NAV3: variants seen among roughly 807,000 people sequenced by gnomAD.
The protein encoded by NAV3 is pore membrane and/or filament interacting like protein 1.
In NAV3, 87 loss-of-function variants were observed where a neutral mutation model predicts 244.7. The observed-to-expected ratio is 0.36, with a 90% CI of 0.30 to 0.42. The LOEUF (loss-of-function observed/expected upper bound fraction) is 0.42. NAV3 is among the 20% of genes least tolerant of loss of function. The pLI is 1.00. For synonymous variants in NAV3, 1,126 were observed against 1,042.2 expected (o/e 1.08, Z -1.55); for missense variants, 2,663 against 2,893.3 (o/e 0.92, Z 1.83).
chr12:77,952,444 C>A (rs1048350871), intron 3 of NAV3, among the ~76,000 whole-genome samples: 1 of 151,972 alleles, frequency 6.6e-6, no homozygotes, highest in African/African-American at 2.4e-5. Flanking sequence ...CTATTCTGTT[C>A]CACTGATTAT....
intron 2 of NAV3, among the ~76,000 whole-genome samples, chr12:77,599,095 C>T (rs950509073): frequency 6.6e-6 from 1 of 151,926 alleles, no homozygotes; most frequent in African/African-American, 2.4e-5. Flanking sequence ...ATTTAGATAC[C>T]TCATGTGAGT....
intron 1 of NAV3, among the ~76,000 whole-genome samples, chr12:77,868,139 AC>A (rs1880364158): frequency 6.6e-6 from 1 of 152,192 alleles, no homozygotes; most frequent in South Asian, 2.1e-4. Flanking sequence ...AGTTGAGAAT[AC>A]AGGAGCAGCT....
At chr12:77,870,560 G>A (rs779737354) in intron 1 of NAV3, among the ~76,000 whole-genome samples, 1 of 152,088 alleles carries the variant, frequency 6.6e-6, no homozygotes, top group African/African-American at 2.4e-5. Flanking sequence ...GGGTTAAAAT[G>A]AGATTTTAAC....
chr12:77,674,284 G>T (rs995430686), intron 2 of NAV3, among the ~76,000 whole-genome samples: 1 of 152,076 alleles, frequency 6.6e-6, no homozygotes, highest in Non-Finnish European at 1.5e-5. Context: ...AATGACATTT[G>T]GATTTCTTGC....
intron 8 of NAV3, among the ~76,000 whole-genome samples, chr12:78,019,770 A>G (rs1304075518): frequency 1.3e-5 from 2 of 152,132 alleles, no homozygotes; most frequent in Non-Finnish European, 2.9e-5. Flanking sequence ...CCATCATCCC[A>G]TAGGTTGCGT....
chr12:78,006,946 G>A lies in NAV3; in HGVS notation c.1408G>A (p.Glu470Lys), dbSNP rs762329198. The change falls in exon 8 of 40, where the codon GAA becomes AAA. Residue 470 changes from glutamate to lysine, a missense_variant. By Grantham distance (56) the Glu-to-Lys change is moderately conservative. Transcript: ENST00000397909. ...TTTGCTACAGCCAAAGGAAAAAGAA[G>A]AAAAGAACAGGGACAAAAATAAAGT... ...KSLLQPKEKE[E>K]KNRDKNKVCT... The A allele has an allele frequency of 9.3e-6, 15 of 1,613,762 alleles. No homozygotes were observed. The highest frequency in any genetic ancestry group is 1.7e-5 in the Admixed American group (1 of 59,896).
chr12:77,600,791 C>T (rs546221908), intron 2 of NAV3, among the ~76,000 whole-genome samples: 5 of 152,096 alleles, frequency 3.3e-5, no homozygotes, highest in African/African-American at 4.8e-5. Flanking sequence ...AAGGGTCCAA[C>T]TCAAGGCCAA....
At chr12:77,878,258 G>T (rs981976955) in intron 1 of NAV3, among the ~76,000 whole-genome samples, 1 of 152,006 alleles carries the variant, frequency 6.6e-6, no homozygotes, top group Non-Finnish European at 1.5e-5. Context: ...ATGGTGTCTT[G>T]CTCTGTTGCC....
intron 5 of NAV3, among the ~76,000 whole-genome samples, chr12:77,978,357 AT>A (rs1446435551): frequency 6.6e-6 from 1 of 152,146 alleles, no homozygotes; most frequent in Non-Finnish European, 1.5e-5. Flanking sequence ...ATAACAGGAC[AT>A]TTTGACGGCC....
intron 1 of NAV3, among the ~76,000 whole-genome samples, chr12:77,881,759 G>A (rs1882675098): frequency 6.6e-6 from 1 of 152,122 alleles, no homozygotes; most frequent in African/African-American, 2.4e-5. Context: ...ACAAAAATCA[G>A]TAGCATTTCT....
At chr12:77,993,058 A>C (rs1241609611) in intron 5 of NAV3, among the ~76,000 whole-genome samples, 1 of 152,196 alleles carries the variant, frequency 6.6e-6, no homozygotes, top group African/African-American at 2.4e-5. Context: ...TTCAGAAAAC[A>C]CACATGGACC....
At chr12:77,783,344 C>A (rs1359970832) in intron 2 of NAV3, 1 of 152,060 alleles carries the variant, frequency 6.6e-6, no homozygotes, top group Non-Finnish European at 1.5e-5. Context: ...TTGGTGGCCT[C>A]TGATTGCCAG....
chr12:78,024,438 C>T (rs1877669546), intron 9 of NAV3, among the ~76,000 whole-genome samples: 1 of 152,110 alleles, frequency 6.6e-6, no homozygotes, highest in Non-Finnish European at 1.5e-5. Context: ...TCCGACATCA[C>T]CAGTCCCATC....
chr12:77,776,466 T>C (rs1870362860), intron 2 of NAV3, among the ~76,000 whole-genome samples: 1 of 152,228 alleles, frequency 6.6e-6, no homozygotes, highest in Non-Finnish European at 1.5e-5. Context: ...CCTTTTTTTA[T>C]AGAGTTTCTG....
intron 2 of NAV3, among the ~76,000 whole-genome samples, chr12:77,679,856 C>T (rs1020672573): frequency 6.6e-6 from 1 of 152,104 alleles, no homozygotes; most frequent in Non-Finnish European, 1.5e-5. Context: ...TCTTGGATGA[C>T]TCAGAGGCAA....
In NAV3 at chr12:78,116,653, A is replaced by G. The variant is rs549789871; in HGVS notation, c.2637-119A>G. On this transcript the variant is annotated intron_variant, in intron 12 of 39. Coordinates refer to ENST00000397909, the MANE Select transcript of NAV3 (RefSeq NM_001024383.2). ...CAAAATGTGAAATAAGTGACTTTTC[A>G]TAAGATATTTTTTAAAAGAATGTCT... 46 of 1,139,400 alleles carry G rather than the reference A, an allele frequency of 4.0e-5. No homozygotes were observed. The African/African-American group carries it at 6.3e-4, about 16-fold the overall frequency. The allele number at this position is 1,139,400 out of a possible 1,614,324, so 70.6% of individuals were successfully genotyped here.
chr12:77,581,696 C>T (rs1321424436), intron 2 of NAV3, among the ~76,000 whole-genome samples: 3 of 152,038 alleles, frequency 2.0e-5, no homozygotes, highest in Non-Finnish European at 2.9e-5. Context: ...AATTAGTAAT[C>T]CTGCTCTTAT....
chr12:77,656,429 C>T lies in NAV3; in HGVS notation c.72+84163C>T, dbSNP rs1174652333. Among the ~76,000 whole-genome samples, 15 of 121,918 alleles carry T rather than the reference C, an allele frequency of 1.2e-4. 1 individual carries two copies. The highest frequency in any genetic ancestry group is 2.3e-4 in the Non-Finnish European group (14 of 60,814). The allele number at this position is 121,918 out of a possible 152,430, so 80.0% of individuals were successfully genotyped here. A position where few individuals can be genotyped will look rare whatever the true frequency, so the allele number is the denominator to read the frequency against. On this transcript the variant is annotated intron_variant, in intron 2 of 8. Coordinates refer to the NAV3 transcript ENST00000550042. ...CTAACTATCCTAAATATATATGCAC[C>T]CAATACAGGAGCACCCAGATTCATA...
intron 1 of NAV3, among the ~76,000 whole-genome samples, chr12:77,874,081 G>A (rs1410115193): frequency 1.3e-5 from 2 of 151,900 alleles, no homozygotes; most frequent in South Asian, 2.1e-4. Context: ...ATTTAAGGCA[G>A]AACAGTTTCT....
Sources: gnomAD v4.1 joint callset for allele counts (sites outside exome capture counted in the v4.1 genomes callset) on GRCh38, gnomAD v4.1.1 for gene constraint, MANE v1.5 for transcripts, NCBI Gene and HGNC (gene_info 2026-07-23, HGNC 2026-07-21) for gene names.